The following SEMA3D variants were observed in gnomAD, a reference collection of about 807,000 sequenced individuals.
The protein encoded by SEMA3D is semaphorin 3D, also known as semaphorin-3D.
In SEMA3D, 84 loss-of-function variants were observed where a neutral mutation model predicts 100.1. The observed-to-expected ratio is 0.84, with a 90% CI of 0.70 to 1.01. The LOEUF is 1.01. SEMA3D is among the 50% of genes least tolerant of loss of function. The pLI is 0.00. For missense variants in SEMA3D, 875 were observed against 934.1 expected (o/e 0.94, Z 0.82); for synonymous variants, 312 against 320.7 (o/e 0.97, Z 0.29).
intron 5 of SEMA3D, among the ~76,000 whole-genome samples, chr7:85,076,417 G>A (rs896650215): frequency 6.6e-6 from 1 of 152,006 alleles, no homozygotes; most frequent in African/African-American, 2.4e-5. Flanking sequence ...CATACTTGCA[G>A]AGAAAAAAAG....
the SEMA3D span, among the ~76,000 whole-genome samples, chr7:85,239,673 G>A: frequency 3.3e-5 from 5 of 152,120 alleles, no homozygotes; most frequent in East Asian, 3.9e-4. Context: ...ACTCACAAAC[G>A]TTAACATTCA....
chr7:85,170,748 T>C (rs186962162), intron 1 of SEMA3D, among the ~76,000 whole-genome samples: 78 of 152,142 alleles, frequency 5.1e-4, no homozygotes, highest in Middle Eastern at 3.4e-3. Flanking sequence ...CACTAACTCT[T>C]GGGTTATTTC....
rs558239429 is a variant in SEMA3D, at chr7:85,077,104, T to TAA, written c.376-4025_376-4024dup. 8.6e-3 allele frequency among the ~76,000 whole-genome samples: 1,067 copies of TAA among 124,340 alleles called. 18 individuals are homozygous for TAA. Among genetic ancestry groups the TAA allele is most frequent in the African/African-American group, 0.026 (851 of 32,988 alleles). 81.6% of individuals were successfully genotyped at this position (124,340 alleles called of 152,430 possible). A position where few individuals can be genotyped will look rare whatever the true frequency, so the allele number is the denominator to read the frequency against. On this transcript the variant is annotated intron_variant, in intron 5 of 18. Coordinates refer to ENST00000284136, the MANE Select transcript of SEMA3D (RefSeq NM_001384900.1). The stretch of plus-strand genomic sequence containing the variant: ...CTGGGCAACAGAGTGAGACTCCGTC[T>TAA]AAAAAAAAAAAAAAAAAACTTTAAA...
intron 1 of SEMA3D, among the ~76,000 whole-genome samples, chr7:85,182,849 C>T (rs995581360): frequency 6.6e-6 from 1 of 152,078 alleles, no homozygotes; most frequent in Non-Finnish European, 1.5e-5. Context: ...CTTAAGTACT[C>T]TGTACCACTC....
intron 11 of SEMA3D, 36 bp from the exon 12 acceptor site, chr7:85,037,069 T>G (rs752595013): frequency 1.3e-6 from 2 of 1,596,478 alleles, no homozygotes; most frequent in Non-Finnish European, 1.7e-6. Flanking sequence ...AATCATTCAC[T>G]GATGAATTCA....
chr7:85,096,893 TGAA>T (rs986075340), intron 4 of SEMA3D, among the ~76,000 whole-genome samples: 2 of 151,940 alleles, frequency 1.3e-5, no homozygotes, highest in Middle Eastern at 3.4e-3. Flanking sequence ...TAATTCTCTT[TGAA>T]GAAGAAGAAC....
the SEMA3D span, among the ~76,000 whole-genome samples, chr7:85,231,652 G>C: frequency 6.6e-6 from 1 of 151,848 alleles, no homozygotes. Context: ...GGGTTTCACT[G>C]TGTTAGCCAG....
chr7:85,241,467 G>GTGTGTGTGTATATATATATATA, the SEMA3D span, among the ~76,000 whole-genome samples: 1 of 92,002 alleles, frequency 1.1e-5, no homozygotes, highest in African/African-American at 5.5e-5. Context: ...CTGTGTGTGT[G>GTGTGTGTGTATATATATATATA]TATATATATA....
intron 7 of SEMA3D, among the ~76,000 whole-genome samples, chr7:85,066,909 C>CACACAT (rs1554338289): frequency 1.0e-5 from 1 of 95,264 alleles, no homozygotes; most frequent in African/African-American, 4.3e-5. Flanking sequence ...CACACACACA[C>CACACAT]ACACAGAGAG....
chr7:85,149,076 C>A (rs2372671), intron 2 of SEMA3D, among the ~76,000 whole-genome samples: 92,407 of 151,900 alleles, frequency 0.61, 28,417 homozygotes, highest in East Asian at 0.9. Flanking sequence ...CAAAATAACA[C>A]CAAATCTTAA....
rs34144843 is a variant in SEMA3D, at chr7:85,049,016, G to GT, written c.861+6700dup. Among the ~76,000 whole-genome samples, 36 of 150,942 alleles carry GT rather than the reference G, an allele frequency of 2.4e-4. 1 individual carries two copies. Among genetic ancestry groups the GT allele is most frequent in the East Asian group, 3.9e-4 (2 of 5,122 alleles). On this transcript the variant is annotated intron_variant, in intron 9 of 18. Transcript: ENST00000284136. ...CACTTGCTCTTTACTGTTTTCAAAA[G>GT]TTTTTTTTTCCCACTTCTGATACTT...
intron 13 of SEMA3D, among the ~76,000 whole-genome samples, chr7:85,021,005 A>C (rs1020193063): frequency 6.6e-6 from 1 of 151,592 alleles, no homozygotes; most frequent in African/African-American, 2.4e-5. Flanking sequence ...GTGTCAGGTT[A>C]GTACAGAAAG....
intron 3 of SEMA3D, among the ~76,000 whole-genome samples, chr7:85,102,799 A>T (rs1788789279): frequency 6.6e-6 from 1 of 152,074 alleles, no homozygotes; most frequent in Non-Finnish European, 1.5e-5. Context: ...CTTTACTTAC[A>T]CAGTGAGAAA....
chr7:85,217,215 C>T, the SEMA3D span, among the ~76,000 whole-genome samples: 1 of 152,018 alleles, frequency 6.6e-6, no homozygotes, highest in East Asian at 1.9e-4. Flanking sequence ...GGCCTTCAAA[C>T]CTTAGGCCAA....
intron 1 of SEMA3D, chr7:85,167,401 T>C: frequency 5.1e-6 from 5 of 984,056 alleles, no homozygotes; most frequent in Non-Finnish European, 4.8e-6. Context: ...GGATCGGTGG[T>C]TGTGTTATAA....
intron 3 of SEMA3D, among the ~76,000 whole-genome samples, chr7:85,115,882 A>G (rs1169329716): frequency 6.6e-6 from 1 of 152,178 alleles, no homozygotes; most frequent in Non-Finnish European, 1.5e-5. Context: ...GTTTAATAGT[A>G]TAAGAAACTA....
chr7:85,232,503 G>A, the SEMA3D span, among the ~76,000 whole-genome samples: 27 of 152,242 alleles, frequency 1.8e-4, no homozygotes, highest in Admixed American at 1.4e-3. Context: ...GGGCAAGTTG[G>A]GATAATATCC....
At chr7:85,088,665 G>A (rs912808611) in intron 4 of SEMA3D, among the ~76,000 whole-genome samples, 5 of 152,178 alleles carry the variant, frequency 3.3e-5, no homozygotes, top group Admixed American at 1.3e-4. Context: ...TAAAGCTTGC[G>A]CAGTGGGTAT....
the SEMA3D span, among the ~76,000 whole-genome samples, chr7:85,250,236 G>A: frequency 0.039 from 5,649 of 143,542 alleles, 187 homozygotes; most frequent in East Asian, 0.15. Flanking sequence ...GAGTCTTGCT[G>A]ATTGCCAGCA....
Sources: gnomAD v4.1 joint callset for allele counts (sites outside exome capture counted in the v4.1 genomes callset) on GRCh38, gnomAD v4.1.1 for gene constraint, MANE v1.5 for transcripts, NCBI Gene and HGNC (gene_info 2026-07-23, HGNC 2026-07-21) for gene names.